Variants in SPATA33 observed in about 807,000 individuals in gnomAD.
SPATA33 encodes spermatogenesis-associated protein 33.
Under a neutral mutation model 8.9 loss-of-function variants are expected in SPATA33, and 10 were observed. That is an observed-to-expected ratio of 1.12 (90% CI 0.69 to 1.90). The LOEUF (loss-of-function observed/expected upper bound fraction) is 1.90, where lower values mean the gene tolerates loss of function less well. SPATA33 is among the 40% of genes most tolerant of loss of function. The pLI is 0.00. For missense variants in SPATA33, 241 were observed against 178.3 expected, an observed-to-expected ratio of 1.35 and a Z score of -2.00; for synonymous variants, 96 against 72.8, an observed-to-expected ratio of 1.32 and a Z score of -1.63.
chr16:89,668,280 C>G (rs1452781371), intron 2 of SPATA33, among the ~76,000 whole-genome samples: 1 of 152,216 alleles, frequency 6.6e-6, no homozygotes, highest in Non-Finnish European at 1.5e-5. Context: ...CCACTGCACT[C>G]CAGCCTGGGT....
At chr16:89,657,821 G>A (rs994036251), upstream of SPATA33, 59 of 1,507,934 alleles carry the variant, frequency 3.9e-5, 1 homozygote, top group Non-Finnish European at 5.0e-5. Context: ...CACGCCGCTG[G>A]CGCGAGGACC....
Position 89,669,783 on chromosome 16 carries a change from G to T in SPATA33, c.*286G>T, listed in dbSNP as rs2060076543. On this transcript the variant is annotated 3_prime_UTR_variant, in exon 3 of 3. Coordinates refer to ENST00000579310, the MANE Select transcript of SPATA33 (RefSeq NM_001271907.2). ...AGAAACTGCAGTCCCCTTCTCCAGT[G>T]CTCTCGGGGAGGGTGCACCAGGCCC... 2 of 466,888 alleles carry T rather than the reference G, an allele frequency of 4.3e-6. No homozygotes were observed. The highest frequency in any genetic ancestry group is 7.7e-6 in the Non-Finnish European group (2 of 258,122). The allele number at this position is 466,888 out of a possible 1,614,324, so 28.9% of individuals were successfully genotyped here.
intron 2 of SPATA33, among the ~76,000 whole-genome samples, chr16:89,664,877 CT>C (rs2060005382): frequency 6.6e-6 from 1 of 152,252 alleles, no homozygotes; most frequent in Admixed American, 6.5e-5. Flanking sequence ...ACCTGCACCC[CT>C]GACGACGAAT....
At chr16:89,666,777 C>T (rs2060031714) in intron 2 of SPATA33, among the ~76,000 whole-genome samples, 1 of 152,152 alleles carries the variant, frequency 6.6e-6, no homozygotes, top group Non-Finnish European at 1.5e-5. Flanking sequence ...TCATGTGGGT[C>T]ATGTGTCCAC....
In SPATA33 at chr16:89,658,397, C is replaced by T. The variant is rs2151522537; in HGVS notation, c.187C>T (p.Pro63Ser). The T allele has an allele frequency of 3.1e-6, 5 of 1,610,974 alleles. No homozygotes were observed. Among genetic ancestry groups the T allele is most frequent in the East Asian group, 2.2e-5 (1 of 44,850 alleles). Residue 63 changes from proline (P) to serine (S), a missense_variant, in exon 2 of 3, where the codon CCG becomes TCG. By Grantham distance (74) the Pro-to-Ser change is moderately conservative. Coordinates refer to ENST00000579310, the MANE Select transcript of SPATA33 (RefSeq NM_001271907.2). Reference sequence around the variant, plus strand: ...CCCGGGGGCCGGGACAGCCAAGCACCCGCCGCCGGCAGCTTCGCTGGAAGG... The same window carrying T: ...CCCGGGGGCCGGGACAGCCAAGCACTCGCCGCCGGCAGCTTCGCTGGAAGG... Reference protein sequence around the residue: ...LHPGAGTAKHPPPAASLEEKP... With the variant: ...LHPGAGTAKHSPPAASLEEKP...
chr16:89,658,005 G>T, intron 1 of SPATA33, 57 bp downstream of exon 1: 1 of 1,491,574 alleles, frequency 6.7e-7, no homozygotes, highest in South Asian at 1.3e-5. Flanking sequence ...CGCGGGCCCA[G>T]GGCGGGGCTG....
chr16:89,657,831 C>T (rs559303642), upstream of SPATA33: 212 of 1,513,290 alleles, frequency 1.4e-4, no homozygotes, highest in Middle Eastern at 4.0e-4. Context: ...GCGCGAGGAC[C>T]TTTTGTGAGT....
chr16:89,658,507 C>T (rs181463820), intron 2 of SPATA33, 86 bp downstream of exon 2: 80 of 1,484,764 alleles, frequency 5.4e-5, no homozygotes, highest in Admixed American at 3.3e-4. Flanking sequence ...AAGACCCTAC[C>T]GGATGGACAC....
At chr16:89,668,487 A>G (rs1169148648) in intron 2 of SPATA33, among the ~76,000 whole-genome samples, 2 of 152,042 alleles carry the variant, frequency 1.3e-5, no homozygotes, top group African/African-American at 2.4e-5. Context: ...GACCACACAT[A>G]TGTGTGCAGA....
chr16:89,658,501 C>T (rs756224297), intron 2 of SPATA33, 80 bp downstream of exon 2: 4 of 1,505,940 alleles, frequency 2.7e-6, no homozygotes, highest in Admixed American at 2.3e-5. Flanking sequence ...TACTGTAAGA[C>T]CCTACCGGAT....
chr16:89,662,917 C>G (rs1252570209), intron 2 of SPATA33, among the ~76,000 whole-genome samples: 3 of 152,196 alleles, frequency 2.0e-5, no homozygotes, highest in African/African-American at 7.2e-5. Context: ...CCTCAGCCTC[C>G]CGAGTAGCTG....
chr16:89,658,732 C>G (rs2059922288), intron 2 of SPATA33: 1 of 412,042 alleles, frequency 2.4e-6, no homozygotes, highest in Non-Finnish European at 4.5e-6. Context: ...CTTGGTGCCA[C>G]TGAGAATCCC....
intron 2 of SPATA33, among the ~76,000 whole-genome samples, chr16:89,661,969 G>A (rs895051445): frequency 1.3e-5 from 2 of 152,108 alleles, no homozygotes; most frequent in African/African-American, 4.8e-5. Flanking sequence ...CAACATTTAT[G>A]GGTAAAATCA....
intron 2 of SPATA33, among the ~76,000 whole-genome samples, chr16:89,664,053 G>T (rs114419635): frequency 0.018 from 2,670 of 152,178 alleles, 86 homozygotes; most frequent in African/African-American, 0.061. Flanking sequence ...CATGAGGTTG[G>T]GGCTGCAGTG....
intron 2 of SPATA33, 52 bp downstream of exon 2, chr16:89,658,473 G>C (rs1455133712): frequency 4.5e-6 from 7 of 1,549,524 alleles, no homozygotes; most frequent in Non-Finnish European, 6.1e-6. Flanking sequence ...GGAGGATCTG[G>C]GGCTGGGGTG....
intron 2 of SPATA33, chr16:89,660,181 C>T (rs1322944765): frequency 3.6e-5 from 8 of 223,766 alleles, no homozygotes; most frequent in Non-Finnish European, 6.1e-5. Flanking sequence ...CCACAGCCCC[C>T]GATGAGTGTA....
At chr16:89,662,048 T>G (rs2059972151) in intron 2 of SPATA33, among the ~76,000 whole-genome samples, 1 of 152,054 alleles carries the variant, frequency 6.6e-6, no homozygotes, top group African/African-American at 2.4e-5. Flanking sequence ...TCCCAGCACT[T>G]TGGGAGGCCG....
At chr16:89,663,160 C>A (rs2059984934) in intron 2 of SPATA33, among the ~76,000 whole-genome samples, 1 of 151,584 alleles carries the variant, frequency 6.6e-6, no homozygotes, top group South Asian at 2.1e-4. Flanking sequence ...AGAAATGGAA[C>A]ACTTCTATTG....
At chr16:89,666,713 A>T (rs1450794076) in intron 2 of SPATA33, among the ~76,000 whole-genome samples, 1 of 152,168 alleles carries the variant, frequency 6.6e-6, no homozygotes, top group African/African-American at 2.4e-5. Flanking sequence ...TTTATTGGAT[A>T]CAAGACAAAG....
Sources: gnomAD v4.1 joint callset for allele counts (sites outside exome capture counted in the v4.1 genomes callset) on GRCh38, gnomAD v4.1.1 for gene constraint, MANE v1.5 for transcripts, NCBI Gene and HGNC (gene_info 2026-07-23, HGNC 2026-07-21) for gene names.